The following CROCC2 variants were observed in gnomAD, a reference collection of about 807,000 sequenced individuals.
CROCC2 encodes the protein ciliary rootlet coiled-coil protein 2.
CROCC2 carries 163 observed loss-of-function variants against 177.6 expected under a neutral mutation model. That is an observed-to-expected ratio of 0.92 (90% CI 0.81 to 1.05). The LOEUF (loss-of-function observed/expected upper bound fraction) is 1.05. CROCC2 is among the 50% of genes least tolerant of loss of function. CROCC2 has a pLI of 0.00. For missense variants in CROCC2, 1,929 were observed against 1,797.8 expected (o/e 1.07, Z -1.32); for synonymous variants, 904 against 787.3 (o/e 1.15, Z -2.48).
Position 240,968,149 on chromosome 2 carries a change from G to A in CROCC2, c.4288G>A (p.Ala1430Thr), listed in dbSNP as rs372645685. The change falls in exon 27 of 32, where the codon GCG (alanine) becomes ACG (threonine). Residue 1430 changes from alanine to threonine, a missense_variant. This residue lies in a region of CROCC2 where 388 missense variants were observed against 352.7 expected (regional missense o/e 1.10). Transcript: ENST00000690015. The stretch of plus-strand genomic sequence containing the variant: ...CACAGGCCAGCGCCGGGTGGAGGGC[G>A]CGCTGAGCAGCGCCCGGGCAGCACG... ...AEEGQRRVEG[A>T]LSSARAARAL... 107 of 1,508,042 alleles carry A rather than the reference G, an allele frequency of 7.1e-5. No homozygotes were observed. Among genetic ancestry groups the A allele is most frequent in the Middle Eastern group, 3.7e-4 (2 of 5,434 alleles). The allele number at this position is 1,508,042 out of a possible 1,614,324, so 93.4% of individuals were successfully genotyped here. A position where few individuals can be genotyped will look rare whatever the true frequency, so the allele number is the denominator to read the frequency against.
At chr2:240,942,587 T>A (rs2059501065) in intron 14 of CROCC2, among the ~76,000 whole-genome samples, 1 of 152,224 alleles carries the variant, frequency 6.6e-6, no homozygotes, top group Non-Finnish European at 1.5e-5. Flanking sequence ...ATAGAGATAA[T>A]TTAAGGCTTT....
intron 14 of CROCC2, among the ~76,000 whole-genome samples, chr2:240,942,519 A>G (rs1429707430): frequency 6.6e-6 from 1 of 151,806 alleles, no homozygotes; most frequent in Non-Finnish European, 1.5e-5. Flanking sequence ...TTGTTTTTTT[A>G]TTATGCTTAA....
chr2:240,933,492 G>T, intron 10 of CROCC2, 150 bp downstream of exon 10: 1 of 1,118,678 alleles, frequency 8.9e-7, no homozygotes, highest in Non-Finnish European at 1.2e-6. Context: ...GTGAGCACCA[G>T]TTGAGCGTGG....
chr2:240,962,369 A>G (rs1426694197), intron 20 of CROCC2, among the ~76,000 whole-genome samples: 2 of 152,108 alleles, frequency 1.3e-5, no homozygotes, highest in East Asian at 3.9e-4. Flanking sequence ...TGCGCTGGGA[A>G]ATGAAAACAG....
Position 240,949,477 on chromosome 2 carries a change from A to C in CROCC2, c.2483-56A>C. 6.5e-7 allele frequency: 1 copy of C among 1,529,610 alleles called. No individual in the cohort carries two copies. The allele number at this position is 1,529,610 out of a possible 1,614,324, so 94.8% of individuals were successfully genotyped here. Reference sequence around the variant, plus strand: ...GACTGTCACTCCCTAGGAAGTCCCAAAGGGTTCAGGGGTCCACATGCCAGG... The same window carrying C: ...GACTGTCACTCCCTAGGAAGTCCCACAGGGTTCAGGGGTCCACATGCCAGG... On this transcript the variant is annotated intron_variant, in intron 16 of 31. Transcript: ENST00000690015. The surrounding 1 kb of genome is among the most constrained non-coding windows in gnomAD (Gnocchi z 4.5).
rs200177483 is a variant in CROCC2 at position 240,984,749 on chromosome 2, CCACA to C, written c.4551+1730_4551+1733del. Among the ~76,000 whole-genome samples, 40 of 15,842 alleles carry C rather than the reference CCACA, an allele frequency of 2.5e-3. 2 individuals are homozygous for C. The highest frequency in any genetic ancestry group is 0.024 in the African/African-American group (39 of 1,624). The allele number at this position is 15,842 out of a possible 152,430, so 10.4% of individuals were successfully genotyped here. A position where few individuals can be genotyped will look rare whatever the true frequency, so the allele number is the denominator to read the frequency against. On this transcript the variant is annotated intron_variant, in intron 28 of 31. Coordinates refer to ENST00000690015, the MANE Select transcript of CROCC2 (RefSeq NM_001351305.2). ...CAATCCACACACACACCCAGGCACT[CCACA>C]CACACACACCCAGGCACTCACTCCA...
At position 240,983,039 on chromosome 2, in the gene CROCC2, A is replaced by G; in HGVS notation, c.4551+10A>G. On this transcript the variant is annotated intron_variant, in intron 28 of 31. Coordinates refer to ENST00000690015, the MANE Select transcript of CROCC2 (RefSeq NM_001351305.2). ...GGAGCCCCTGCGACAGGTGAGGGTGACCAGGAGGGCAGGGTACGCTGTCAC... is the reference window on the plus strand; with the variant it reads ...GGAGCCCCTGCGACAGGTGAGGGTGGCCAGGAGGGCAGGGTACGCTGTCAC... The G allele has an allele frequency of 6.5e-7, 1 of 1,549,264 alleles. No homozygotes were observed. Among genetic ancestry groups the G allele is most frequent in the Non-Finnish European group, 8.7e-7 (1 of 1,146,398 alleles).
chr2:240,975,891 G>A lies in CROCC2; in HGVS notation c.4402-6989G>A, dbSNP rs565653673. Among the ~76,000 whole-genome samples the A allele has an allele frequency of 6.6e-5, 10 of 151,916 alleles. No homozygotes were observed. In the South Asian group the frequency reaches 1.2e-3, roughly 19 times the overall value. On this transcript the variant is annotated intron_variant, in intron 27 of 31. Coordinates refer to ENST00000690015, the MANE Select transcript of CROCC2 (RefSeq NM_001351305.2). ...ATTACAGGCGCCCGCCACCACGCCC[G>A]GCTAATTTTTTGTATTTTTAGTAGG... is the stretch of plus-strand genomic sequence containing the variant.
At position 240,930,198 on chromosome 2, in the gene CROCC2, C is replaced by T. The variant is rs1248864746; in HGVS notation, c.678C>T (p.Asp226=). ...CAGGGGGCCTGGGGCAGCCCCGGGACCTCCTCCTCCTGTGGAGACAGGCCG... is the reference window on the plus strand; with the variant it reads ...CAGGGGGCCTGGGGCAGCCCCGGGATCTCCTCCTCCTGTGGAGACAGGCCG... ...TRSGGLGQPR[D]LLLLWRQAVV... The change falls in exon 6 of 32, where the codon GAC becomes GAT. Residue 226 remains aspartate, a synonymous_variant. Coordinates refer to ENST00000690015, the MANE Select transcript of CROCC2 (RefSeq NM_001351305.2). 3 of 585,792 alleles carry T rather than the reference C, an allele frequency of 5.1e-6. No individual in the cohort carries two copies. The highest frequency in any genetic ancestry group is 3.1e-6 in the Non-Finnish European group (1 of 320,004). The allele number at this position is 585,792 out of a possible 1,614,324, so 36.3% of individuals were successfully genotyped here. A position where few individuals can be genotyped will look rare whatever the true frequency, so the allele number is the denominator to read the frequency against.
intron 4 of CROCC2, 115 bp from the exon 5 acceptor site, chr2:240,925,609 C>G: frequency 4.9e-6 from 3 of 612,206 alleles, no homozygotes; most frequent in Non-Finnish European, 8.9e-6. Flanking sequence ...GAGCCCAGGT[C>G]AGTTAGGCCC....
rs147347566 is a variant in CROCC2, at chr2:240,922,958, G to A, written c.488+313G>A. Among the ~76,000 whole-genome samples, 1,299 of 152,194 alleles carry A rather than the reference G, an allele frequency of 8.5e-3. 25 individuals carry two copies. The highest frequency in any genetic ancestry group is 0.029 in the African/African-American group (1,201 of 41,488). Reference sequence around the variant, plus strand: ...AAACACTCAGCCTCCTGGGCTCAGCGTGGGCCTCTCACGCAACCAGGCACC... The same window carrying A: ...AAACACTCAGCCTCCTGGGCTCAGCATGGGCCTCTCACGCAACCAGGCACC... On this transcript the variant is annotated intron_variant, in intron 4 of 31. Transcript: ENST00000690015.
At chr2:240,912,797 C>T (rs959099206) in intron 1 of CROCC2, among the ~76,000 whole-genome samples, 5 of 152,216 alleles carry the variant, frequency 3.3e-5, no homozygotes, top group African/African-American at 4.8e-5. Context: ...TTCTGGTAAC[C>T]AGCCCCTACT....
At chr2:240,990,570 GTGTTT>G (rs368000484) in intron 30 of CROCC2, among the ~76,000 whole-genome samples, 2,150 of 152,082 alleles carry the variant, frequency 0.014, 59 homozygotes, top group African/African-American at 0.048. Context: ...ATCATTCTGA[GTGTTT>G]TGTTTTGTTT....
At chr2:240,912,643 G>T (rs1477202481) in intron 1 of CROCC2, among the ~76,000 whole-genome samples, 4 of 152,134 alleles carry the variant, frequency 2.6e-5, no homozygotes, top group African/African-American at 4.8e-5. Flanking sequence ...TGTGGTTTAG[G>T]GTTTTTATGG....
At chr2:240,928,274 C>T (rs1338732087) in intron 5 of CROCC2, among the ~76,000 whole-genome samples, 1 of 152,216 alleles carries the variant, frequency 6.6e-6, no homozygotes, top group East Asian at 1.9e-4. Flanking sequence ...CATTGAAGTA[C>T]ATTTTCAGCT....
chr2:240,932,213 G>T (rs756970876), intron 7 of CROCC2, 105 bp from the exon 8 acceptor site: 3 of 626,916 alleles, frequency 4.8e-6, no homozygotes, highest in Non-Finnish European at 8.9e-6. Flanking sequence ...CCCAGCACCG[G>T]CAGGGGGGCC....
intron 20 of CROCC2, among the ~76,000 whole-genome samples, chr2:240,961,422 C>A (rs1195967320): frequency 6.6e-6 from 1 of 152,050 alleles, no homozygotes; most frequent in Non-Finnish European, 1.5e-5. Flanking sequence ...ACCAAGCACA[C>A]ACACGCATGT....
At chr2:240,967,297 C>T in intron 25 of CROCC2, 48 bp from the exon 26 acceptor site, 4 of 627,546 alleles carry the variant, frequency 6.4e-6, no homozygotes, top group Non-Finnish European at 1.2e-5. Context: ...CCTTGGCCCT[C>T]CACCCGCCCA....
At position 240,933,756 on chromosome 2, in the gene CROCC2, A is replaced by T. The variant is rs541939279; in HGVS notation, c.1550A>T (p.Glu517Val). 1.0e-5 allele frequency: 16 copies of T among 1,549,844 alleles called. No individual in the cohort carries two copies. In the East Asian group the frequency reaches 2.9e-4, roughly 28 times the overall value. The change falls in exon 11 of 32, where the codon GAG (glutamate) becomes GTG (valine). Residue 517 changes from glutamate to valine, a missense_variant. Coordinates refer to ENST00000690015, the MANE Select transcript of CROCC2 (RefSeq NM_001351305.2). ...GCGGAGAAGCAGGGGCTGGAGGCCG[A>T]GGCTGCAGAGCTGCAGAGAAGCCTC... ...ADAEKQGLEAEAAELQRSLLL... is the reference protein window; with the variant it reads ...ADAEKQGLEAVAAELQRSLLL...
Sources: gnomAD v4.1 joint callset for allele counts (sites outside exome capture counted in the v4.1 genomes callset) on GRCh38, gnomAD v4.1.1 for gene constraint, gnomAD v4.1.1 regional missense constraint, Gnocchi (gnomAD v3.1) non-coding constraint, MANE v1.5 for transcripts, NCBI Gene and HGNC (gene_info 2026-07-23, HGNC 2026-07-21) for gene names.